CNTNAP2: variants seen among roughly 807,000 people sequenced by gnomAD.
CNTNAP2 encodes the protein contactin-associated protein-like 2.
A neutral mutation model predicts 155.2 loss-of-function variants in CNTNAP2; 98 were observed. That is an observed-to-expected ratio of 0.63 (90% CI 0.54 to 0.75). The LOEUF (loss-of-function observed/expected upper bound fraction) is 0.75, where lower values mean the gene tolerates loss of function less well. Ranked by LOEUF, CNTNAP2 falls within the 30% of genes least tolerant of loss-of-function variation. The pLI, the probability that CNTNAP2 is intolerant of heterozygous loss-of-function variation, is 0.00. For missense variants in CNTNAP2, 1,727 were observed against 1,688.1 expected (o/e 1.02, Z -0.40); for synonymous variants, 651 against 631.2 (o/e 1.03, Z -0.47).
At chr7:147,640,897 C>CCGGGCA (rs1383381644) in intron 13 of CNTNAP2, among the ~76,000 whole-genome samples, 1 of 152,150 alleles carries the variant, frequency 6.6e-6, no homozygotes, top group East Asian at 1.9e-4. Flanking sequence ...ATTGGTTTGA[C>CCGGGCA]CGGGCACGTT....
intron 1 of CNTNAP2, among the ~76,000 whole-genome samples, chr7:146,367,416 A>C (rs2129102089): frequency 6.6e-6 from 1 of 152,282 alleles, no homozygotes; most frequent in South Asian, 2.1e-4. Flanking sequence ...TATATCAAAA[A>C]CCAATTTCTT....
intron 3 of CNTNAP2, among the ~76,000 whole-genome samples, chr7:147,042,815 A>G (rs1799285181): frequency 6.6e-6 from 1 of 152,134 alleles, no homozygotes; most frequent in Non-Finnish European, 1.5e-5. Flanking sequence ...TCTAAAAGAT[A>G]AGGCTAAAAC....
chr7:148,162,214 C>T (rs147259773), intron 17 of CNTNAP2, among the ~76,000 whole-genome samples: 43 of 152,278 alleles, frequency 2.8e-4, no homozygotes, highest in African/African-American at 1.0e-3. Flanking sequence ...GCTTATTTTA[C>T]TTCAAAGATG....
chr7:146,951,209 G>T (rs944152242), intron 3 of CNTNAP2, among the ~76,000 whole-genome samples: 6 of 152,008 alleles, frequency 3.9e-5, no homozygotes, highest in East Asian at 1.9e-4. Context: ...TTGTCAGATG[G>T]ATAGATTGCA....
At chr7:146,567,123 C>T (rs1459385014) in intron 1 of CNTNAP2, among the ~76,000 whole-genome samples, 1 of 152,130 alleles carries the variant, frequency 6.6e-6, no homozygotes, top group Non-Finnish European at 1.5e-5. Context: ...TGAGAACAGA[C>T]TTCTGCCACC....
chr7:147,381,655 G>C (rs559034556), intron 9 of CNTNAP2, among the ~76,000 whole-genome samples: 64 of 152,038 alleles, frequency 4.2e-4, no homozygotes, highest in Non-Finnish European at 7.1e-4. Context: ...AAATCATTTT[G>C]TATAATTTGA....
intron 12 of CNTNAP2, among the ~76,000 whole-genome samples, chr7:147,637,988 G>A (rs540883854): frequency 8.1e-4 from 124 of 152,208 alleles, no homozygotes; most frequent in African/African-American, 2.6e-3. Flanking sequence ...AAGGCCAAAG[G>A]CTTGATTCTT....
chr7:146,195,427 T>G (rs576879482), intron 1 of CNTNAP2, among the ~76,000 whole-genome samples: 1 of 152,310 alleles, frequency 6.6e-6, no homozygotes, highest in East Asian at 1.9e-4. Context: ...TGACACAGTT[T>G]AAAATTGCTT....
At chr7:147,403,312 A>G (rs1796950213) in intron 10 of CNTNAP2, among the ~76,000 whole-genome samples, 1 of 152,288 alleles carries the variant, frequency 6.6e-6, no homozygotes, top group South Asian at 2.1e-4. Context: ...CTGTTGTCTC[A>G]TGTCTCCCTA....
chr7:147,928,141 C>T (rs551880803), intron 14 of CNTNAP2, among the ~76,000 whole-genome samples: 37 of 152,202 alleles, frequency 2.4e-4, no homozygotes, highest in South Asian at 4.2e-4. Flanking sequence ...GTAAGATGTG[C>T]CTTTCACCTT....
intron 12 of CNTNAP2, among the ~76,000 whole-genome samples, chr7:147,602,824 A>C (rs1370585948): frequency 1.3e-5 from 2 of 151,854 alleles, no homozygotes; most frequent in Admixed American, 1.3e-4. Flanking sequence ...TGAACTCATC[A>C]TTTTTTATGG....
chr7:146,303,360 AAAC>A (rs1441277739), intron 1 of CNTNAP2, among the ~76,000 whole-genome samples: 9 of 150,172 alleles, frequency 6.0e-5, no homozygotes, highest in Non-Finnish European at 1.3e-4. Context: ...CTCAGTTTTT[AAAC>A]CTTATTTTAA....
intron 13 of CNTNAP2, among the ~76,000 whole-genome samples, chr7:147,864,818 G>T (rs1298586858): frequency 6.6e-6 from 1 of 152,196 alleles, no homozygotes; most frequent in African/African-American, 2.4e-5. Flanking sequence ...AGCTTAAGGA[G>T]ATTTGGGGCT....
chr7:147,408,782 T>C (rs1797053721), intron 10 of CNTNAP2, among the ~76,000 whole-genome samples: 1 of 152,038 alleles, frequency 6.6e-6, no homozygotes, highest in Non-Finnish European at 1.5e-5. Context: ...AAAGAGGACG[T>C]TGCATTACTA....
At chr7:146,615,761 G>C (rs1203182006) in intron 1 of CNTNAP2, among the ~76,000 whole-genome samples, 1 of 152,170 alleles carries the variant, frequency 6.6e-6, no homozygotes, top group Non-Finnish European at 1.5e-5. Flanking sequence ...GTTCCTTGGT[G>C]GGGAGAAACC....
chr7:146,432,397 T>C (rs1266239566), intron 1 of CNTNAP2, among the ~76,000 whole-genome samples: 1 of 152,130 alleles, frequency 6.6e-6, no homozygotes, highest in East Asian at 1.9e-4. Flanking sequence ...AATAAATAAA[T>C]TGAATTATAT....
intron 15 of CNTNAP2, among the ~76,000 whole-genome samples, chr7:148,001,212 G>A (rs568473318): frequency 6.6e-6 from 1 of 152,340 alleles, no homozygotes; most frequent in East Asian, 1.9e-4. Flanking sequence ...CAATGGCCAA[G>A]AAACATCTAC....
intron 14 of CNTNAP2, among the ~76,000 whole-genome samples, chr7:147,908,304 G>A (rs987865180): frequency 3.9e-5 from 6 of 152,176 alleles, no homozygotes; most frequent in African/African-American, 9.7e-5. Context: ...TCAGGGAGAC[G>A]TGCGAAAGCC....
chr7:147,830,149 A>G (rs897512053), intron 13 of CNTNAP2, among the ~76,000 whole-genome samples: 1 of 134,856 alleles, frequency 7.4e-6, no homozygotes, highest in Admixed American at 7.7e-5. Flanking sequence ...GTCTCAGTCC[A>G]TTCGGGTTGC....
Sources: gnomAD v4.1 joint callset for allele counts (sites outside exome capture counted in the v4.1 genomes callset) on GRCh38, gnomAD v4.1.1 for gene constraint, MANE v1.5 for transcripts, NCBI Gene and HGNC (gene_info 2026-07-23, HGNC 2026-07-21) for gene names.